SNX10: variants seen among roughly 807,000 people sequenced by gnomAD.
SNX10 encodes sorting nexin-10.
In SNX10, 25 loss-of-function variants were observed where a neutral mutation model predicts 28.5. The observed-to-expected ratio is 0.88, with a 90% CI of 0.64 to 1.22. The LOEUF is 1.22. SNX10 is among the 50% of genes most tolerant of loss of function. The pLI is 0.00. For synonymous variants in SNX10, 62 were observed against 81.4 expected, an observed-to-expected ratio of 0.76 and a Z score of 1.28; for missense variants, 223 against 242.6, an observed-to-expected ratio of 0.92 and a Z score of 0.54.
chr7:26,353,066 A>T (rs1788670249), intron 2 of SNX10, among the ~76,000 whole-genome samples: 1 of 152,166 alleles, frequency 6.6e-6, no homozygotes, highest in African/African-American at 2.4e-5. Flanking sequence ...CTACTTGTGT[A>T]AAGAAACTTG....
chr7:26,319,675 G>T (rs1178262580), intron 1 of SNX10, among the ~76,000 whole-genome samples: 1 of 152,152 alleles, frequency 6.6e-6, no homozygotes, highest in Non-Finnish European at 1.5e-5. Context: ...ATTTGGATTT[G>T]CTCTGCAGTT....
At chr7:26,361,161 T>C in intron 3 of SNX10, 100 bp downstream of exon 3, 1 of 1,202,302 alleles carries the variant, frequency 8.3e-7, no homozygotes, top group East Asian at 2.7e-5. Context: ...CTCATTCAAA[T>C]AACTGAATTT....
intron 1 of SNX10, among the ~76,000 whole-genome samples, chr7:26,337,367 C>T (rs1787983074): frequency 6.6e-6 from 1 of 152,172 alleles, no homozygotes; most frequent in Admixed American, 6.5e-5. Flanking sequence ...TAAGTGTATT[C>T]ACATTGTTGT....
chr7:26,347,009 T>C (rs759294547), intron 2 of SNX10, among the ~76,000 whole-genome samples: 5 of 152,170 alleles, frequency 3.3e-5, no homozygotes, highest in Non-Finnish European at 7.4e-5. Flanking sequence ...TGAGTGTCCC[T>C]CCTTTGGCAG....
At chr7:26,306,327 G>A (rs916745648) in intron 1 of SNX10, among the ~76,000 whole-genome samples, 5 of 152,102 alleles carry the variant, frequency 3.3e-5, no homozygotes, top group Non-Finnish European at 5.9e-5. Flanking sequence ...GCCACAGTGT[G>A]GCTGAGTTTC....
intron 1 of SNX10, among the ~76,000 whole-genome samples, chr7:26,329,558 G>T (rs922602535): frequency 3.3e-5 from 5 of 152,218 alleles, no homozygotes; most frequent in Admixed American, 3.3e-4. Context: ...TAAGTGATGA[G>T]TCTGCTGGGA....
chr7:26,334,561 C>G (rs192568047), intron 1 of SNX10, among the ~76,000 whole-genome samples: 30 of 152,226 alleles, frequency 2.0e-4, no homozygotes, highest in African/African-American at 6.5e-4. Context: ...GGTTAAAATT[C>G]TGTAATTTTT....
At chr7:26,327,149 C>T (rs1021191871) in intron 1 of SNX10, among the ~76,000 whole-genome samples, 12 of 152,024 alleles carry the variant, frequency 7.9e-5, no homozygotes, top group Non-Finnish European at 1.3e-4. Flanking sequence ...TGGGGTTTTG[C>T]CATGTTGGCT....
chr7:26,318,048 T>TTGAAGA (rs1787160033), intron 1 of SNX10, among the ~76,000 whole-genome samples: 1 of 152,184 alleles, frequency 6.6e-6, no homozygotes, highest in African/African-American at 2.4e-5. Context: ...GAAGACACAT[T>TTGAAGA]CAGAATGGAG....
Position 26,341,183 on chromosome 7 carries a change from C to T in SNX10, c.-23-5237C>T, listed in dbSNP as rs1034793664. Among the ~76,000 whole-genome samples, 8 of 152,158 alleles carry T rather than the reference C, an allele frequency of 5.3e-5. No homozygotes were observed. The South Asian group carries it at 1.5e-3, about 28-fold the overall frequency. On this transcript the variant is annotated intron_variant, in intron 1 of 6. Coordinates refer to ENST00000338523, the MANE Select transcript of SNX10 (RefSeq NM_013322.3). ...GCATGGTGGCTTGTTCCTGTAGTCTCGGCTGCTAGGGAGGCTGAGGTGGGA... is the reference window on the plus strand; with the variant it reads ...GCATGGTGGCTTGTTCCTGTAGTCTTGGCTGCTAGGGAGGCTGAGGTGGGA...
At chr7:26,338,074 G>A (rs971165935) in intron 1 of SNX10, among the ~76,000 whole-genome samples, 11 of 148,782 alleles carry the variant, frequency 7.4e-5, no homozygotes, top group African/African-American at 9.9e-5. Context: ...CCCTTTGCAC[G>A]TCATCTTTGG....
intron 1 of SNX10, among the ~76,000 whole-genome samples, chr7:26,334,149 T>C (rs989935646): frequency 6.6e-6 from 1 of 152,212 alleles, no homozygotes; most frequent in African/African-American, 2.4e-5. Flanking sequence ...TGGCCTGGGA[T>C]GTCAAGGTAG....
At chr7:26,348,144 C>G (rs1326937087) in intron 2 of SNX10, among the ~76,000 whole-genome samples, 4 of 152,154 alleles carry the variant, frequency 2.6e-5, no homozygotes, top group Admixed American at 2.6e-4. Flanking sequence ...TTCTGGCTCC[C>G]CAGAAGGTAC....
chr7:26,330,472 G>A (rs943147492), intron 1 of SNX10, among the ~76,000 whole-genome samples: 62 of 152,148 alleles, frequency 4.1e-4, no homozygotes, highest in African/African-American at 1.5e-3. Flanking sequence ...AGGGAGGGGC[G>A]GGTGGAGAAG....
intron 1 of SNX10, among the ~76,000 whole-genome samples, chr7:26,292,810 C>T (rs1169201960): frequency 6.6e-6 from 1 of 152,178 alleles, no homozygotes; most frequent in Non-Finnish European, 1.5e-5. Context: ...TCCATCAAAC[C>T]TTTCATTTTA....
At chr7:26,372,217 C>T in intron 6 of SNX10, 184 bp downstream of exon 6, 2 of 594,920 alleles carry the variant, frequency 3.4e-6, no homozygotes, top group South Asian at 2.1e-5. Context: ...TCTTCACACA[C>T]ACCTCCACAC....
chr7:26,297,369 C>T (rs1207541732), intron 1 of SNX10, among the ~76,000 whole-genome samples: 2 of 152,162 alleles, frequency 1.3e-5, no homozygotes, highest in Non-Finnish European at 2.9e-5. Flanking sequence ...GCTGGGATTA[C>T]AGGAATAAGG....
intron 1 of SNX10, among the ~76,000 whole-genome samples, chr7:26,294,934 G>A (rs1359279651): frequency 6.6e-6 from 1 of 152,176 alleles, no homozygotes; most frequent in Non-Finnish European, 1.5e-5. Context: ...ACCCACCTGC[G>A]AATGTAAAGG....
At chr7:26,358,287 C>T (rs949100973) in intron 2 of SNX10, among the ~76,000 whole-genome samples, 1 of 152,186 alleles carries the variant, frequency 6.6e-6, no homozygotes, top group Non-Finnish European at 1.5e-5. Flanking sequence ...CTTCTGTTTC[C>T]ATCCCTGGGC....
Sources: gnomAD v4.1 joint callset for allele counts (sites outside exome capture counted in the v4.1 genomes callset) on GRCh38, gnomAD v4.1.1 for gene constraint, MANE v1.5 for transcripts, NCBI Gene and HGNC (gene_info 2026-07-23, HGNC 2026-07-21) for gene names.